Variants in SLC4A8 observed in about 807,000 individuals in gnomAD.
SLC4A8 encodes electroneutral sodium bicarbonate exchanger 1.
SLC4A8 carries 40 observed loss-of-function variants against 125.0 expected under a neutral mutation model. That is an observed-to-expected ratio of 0.32 (90% CI 0.25 to 0.42). The LOEUF (loss-of-function observed/expected upper bound fraction) is 0.42. SLC4A8 is among the 10% of genes least tolerant of loss of function. The pLI is 1.00. For synonymous variants in SLC4A8, 456 were observed against 476.0 expected (o/e 0.96, Z 0.55); for missense variants, 863 against 1,355.1 (o/e 0.64, Z 5.70).
chr12:51,434,063 C>T (rs1487154818), intron 1 of SLC4A8, among the ~76,000 whole-genome samples: 2 of 151,930 alleles, frequency 1.3e-5, no homozygotes, highest in African/African-American at 4.8e-5. Context: ...GTTGTAGGGA[C>T]GAGGTTTCAC....
At chr12:51,493,957 A>G (rs1001037957) in intron 20 of SLC4A8, among the ~76,000 whole-genome samples, 185 bp downstream of exon 20, 3 of 152,230 alleles carry the variant, frequency 2.0e-5, no homozygotes, top group African/African-American at 7.2e-5. Context: ...TTGGCAGGAG[A>G]GTACAGAGAC....
intron 5 of SLC4A8, among the ~76,000 whole-genome samples, chr12:51,456,221 CT>C (rs1950147062): frequency 1.3e-5 from 2 of 151,862 alleles, no homozygotes; most frequent in South Asian, 2.1e-4. Context: ...GGTGGATGTT[CT>C]TTTTTTTCCC....
intron 10 of SLC4A8, chr12:51,462,738 C>T (rs1950371946): frequency 5.5e-6 from 1 of 181,920 alleles, no homozygotes; most frequent in Admixed American, 5.9e-5. Context: ...ACTAAAAATA[C>T]AAAAATTAGC....
At chr12:51,436,052 G>A (rs1284408133) in intron 1 of SLC4A8, among the ~76,000 whole-genome samples, 2 of 152,036 alleles carry the variant, frequency 1.3e-5, no homozygotes, top group African/African-American at 4.8e-5. Flanking sequence ...AAATAAAAAC[G>A]CATTGTATAT....
At chr12:51,498,744 G>A (rs1937686443) in intron 22 of SLC4A8, among the ~76,000 whole-genome samples, 1 of 492 alleles carries the variant, frequency 2.0e-3, no homozygotes, top group Admixed American at 0.021. Flanking sequence ...AGCTGGGCGT[G>A]GTGGCAGGCG....
chr12:51,475,340 T>C (rs1950827894), intron 16 of SLC4A8, 134 bp downstream of exon 16: 1 of 804,212 alleles, frequency 1.2e-6, no homozygotes, highest in Non-Finnish European at 2.1e-6. Context: ...CACACTGGCA[T>C]TCTCTCCTAG....
intron 1 of SLC4A8, among the ~76,000 whole-genome samples, chr12:51,427,429 A>G (rs1949029030): frequency 6.6e-6 from 1 of 152,194 alleles, no homozygotes; most frequent in Admixed American, 6.5e-5. Context: ...GATAGAAAAT[A>G]TCTCCTTTAT....
chr12:51,497,116 G>A lies in SLC4A8; in HGVS notation c.3073G>A (p.Glu1025Lys). 4 of 1,613,382 alleles carry A rather than the reference G, an allele frequency of 2.5e-6. No homozygotes were observed. Among genetic ancestry groups the A allele is most frequent in the Non-Finnish European group, 3.4e-6 (4 of 1,179,890 alleles). Residue 1025 changes from glutamate to lysine, a missense_variant, in exon 22 of 25, where the codon GAG (glutamate) becomes AAG (lysine). Coordinates refer to ENST00000453097, the MANE Select transcript of SLC4A8 (RefSeq NM_001039960.3). Reference protein sequence around the residue: ...KLDDAKKKAKEEEEAEKMLEI... With the variant: ...KLDDAKKKAKKEEEAEKMLEI... ...GGATGATGCCAAAAAGAAGGCCAAGGAGGAAGAGGTCATAGTCCTTGCACC... is the reference window on the plus strand; with the variant it reads ...GGATGATGCCAAAAAGAAGGCCAAGAAGGAAGAGGTCATAGTCCTTGCACC...
intron 24 of SLC4A8, among the ~76,000 whole-genome samples, chr12:51,506,937 C>A (rs933991323): frequency 6.6e-6 from 1 of 151,980 alleles, no homozygotes; most frequent in Non-Finnish European, 1.5e-5. Flanking sequence ...AAATCTGAGG[C>A]CTTCCTAAAG....
At chr12:51,498,976 G>A (rs1937711712) in intron 22 of SLC4A8, among the ~76,000 whole-genome samples, 1 of 145,948 alleles carries the variant, frequency 6.9e-6, no homozygotes, top group Non-Finnish European at 1.5e-5. Context: ...CTGAGGTCAG[G>A]AGTTTGAGAC....
Position 51,412,252 on chromosome 12 carries a change from T to C in SLC4A8, c.-112+20764T>C, listed in dbSNP as rs557290082. On this transcript the variant is annotated intron_variant, in intron 1 of 24. Coordinates refer to the SLC4A8 transcript ENST00000358657. ...AATTTAATATATATCAATTGGATCATATGAATTATGTTACTTGGATGTATA... is the reference window on the plus strand; with the variant it reads ...AATTTAATATATATCAATTGGATCACATGAATTATGTTACTTGGATGTATA... 2.0e-5 allele frequency among the ~76,000 whole-genome samples: 3 copies of C among 152,298 alleles called. No homozygotes were observed. The East Asian group carries it at 5.8e-4, about 29-fold the overall frequency.
chr12:51,441,987 TG>T (rs1246057176), intron 2 of SLC4A8, among the ~76,000 whole-genome samples: 1 of 152,154 alleles, frequency 6.6e-6, no homozygotes, highest in African/African-American at 2.4e-5. Flanking sequence ...GGGTGTGGAA[TG>T]GAAGGCTAAC....
At chr12:51,447,527 T>A (rs1949811297) in intron 2 of SLC4A8, among the ~76,000 whole-genome samples, 1 of 152,128 alleles carries the variant, frequency 6.6e-6, no homozygotes, top group Non-Finnish European at 1.5e-5. Context: ...CTGGCACATT[T>A]GTGGAATGGC....
At chr12:51,423,851 T>C (rs1373810923), upstream of SLC4A8, among the ~76,000 whole-genome samples, 1 of 151,822 alleles carries the variant, frequency 6.6e-6, no homozygotes, top group Non-Finnish European at 1.5e-5. Flanking sequence ...CTGGCCAACA[T>C]GGTGAAACCC....
chr12:51,453,676 C>T lies in SLC4A8; in HGVS notation c.551C>T (p.Ala184Val), dbSNP rs772087799. The change falls in exon 5 of 25, where the codon GCA (alanine) becomes GTA (valine). Residue 184 changes from alanine (A) to valine (V), a missense_variant. Physicochemically the swap from Ala to Val is moderately conservative, Grantham distance 64. Transcript: ENST00000453097. ...INGTVLLDMH[A>V]NSIEEISDLI... is the part of the protein sequence containing the mutation. The stretch of plus-strand genomic sequence containing the variant: ...GGAACAGTCCTCCTGGATATGCATG[C>T]AAATAGCATAGAAGAAATTTCAGGT... 1 of 1,613,590 alleles carries T rather than the reference C, an allele frequency of 6.2e-7. No homozygotes were observed. Among genetic ancestry groups the T allele is most frequent in the South Asian group, 1.1e-5 (1 of 90,974 alleles).
chr12:51,495,722 TC>T (rs1186721764), intron 21 of SLC4A8, among the ~76,000 whole-genome samples: 1 of 152,052 alleles, frequency 6.6e-6, no homozygotes, highest in Non-Finnish European at 1.5e-5. Flanking sequence ...CCTCAGGTGA[TC>T]CACCCGTCTC....
rs545476059 is a variant in SLC4A8 at position 51,493,764 on chromosome 12, G to A, written c.2761G>A (p.Gly921Arg). 3.1e-6 allele frequency: 5 copies of A among 1,599,364 alleles called. No individual in the cohort carries two copies. Among genetic ancestry groups the A allele is most frequent in the Admixed American group, 1.7e-5 (1 of 60,018 alleles). Residue 921 changes from glycine to arginine, a missense_variant, in exon 20 of 25, where the codon GGA becomes AGA. Coordinates refer to ENST00000453097, the MANE Select transcript of SLC4A8 (RefSeq NM_001039960.3). ...FLYMGVSSLQ[G>R]IQFFDRLKLF... Reference sequence around the variant, plus strand: ...TTACATGGGAGTTTCTTCACTACAGGGAATTCAGGTATTGTATGGTTCAGC... The same window carrying A: ...TTACATGGGAGTTTCTTCACTACAGAGAATTCAGGTATTGTATGGTTCAGC...
In SLC4A8 at chr12:51,507,413, C is replaced by A; in HGVS notation, c.3270-13C>A. On this transcript the variant is annotated splice_polypyrimidine_tract_variant and intron_variant, in intron 24 of 24. Transcript: ENST00000453097. ...ATGTTCCCTTTTTGTCTAATTGTAA[C>A]ACTTTTATTCAGTCTCTTCAACTAA... The A allele has an allele frequency of 7.3e-7, 1 of 1,375,656 alleles. No individual in the cohort carries two copies. Among genetic ancestry groups the A allele is most frequent in the South Asian group, 2.2e-5 (1 of 45,122 alleles). The allele number at this position is 1,375,656 out of a possible 1,614,324, so 85.2% of individuals were successfully genotyped here.
At chr12:51,432,548 C>T (rs923309707) in intron 1 of SLC4A8, among the ~76,000 whole-genome samples, 2 of 151,894 alleles carry the variant, frequency 1.3e-5, no homozygotes, top group African/African-American at 4.8e-5. Context: ...CATGGCGAAA[C>T]CCAGTCTCTA....
Sources: gnomAD v4.1 joint callset for allele counts (sites outside exome capture counted in the v4.1 genomes callset) on GRCh38, gnomAD v4.1.1 for gene constraint, MANE v1.5 for transcripts, NCBI Gene and HGNC (gene_info 2026-07-23, HGNC 2026-07-21) for gene names.